SLC7A11: variants seen among roughly 807,000 people sequenced by gnomAD.
SLC7A11 encodes the protein cystine/glutamate transporter.
Under a neutral mutation model 54.5 loss-of-function variants are expected in SLC7A11, and 35 were observed. The observed-to-expected ratio is 0.64, with a 90% CI of 0.49 to 0.85. SLC7A11 has a LOEUF of 0.85. Ranked by LOEUF, SLC7A11 falls within the 40% of genes least tolerant of loss-of-function variation. The pLI is 0.00. For synonymous variants in SLC7A11, 230 were observed against 225.2 expected (o/e 1.02, Z -0.19); for missense variants, 583 against 618.1 (o/e 0.94, Z 0.60).
intron 3 of SLC7A11, among the ~76,000 whole-genome samples, chr4:138,229,855 G>C (rs1229687341): frequency 6.6e-6 from 1 of 152,096 alleles, no homozygotes; most frequent in African/African-American, 2.4e-5. Context: ...TAGTCTTCTG[G>C]TTATGGCTTT....
chr4:138,166,602 G>A lies in SLC7A11; in HGVS notation c.*5354C>T, dbSNP rs1578619592. On this transcript the variant is annotated 3_prime_UTR_variant, in exon 12 of 12. Coordinates refer to ENST00000280612, the MANE Select transcript of SLC7A11 (RefSeq NM_014331.4). ...AGCATGTTCACTCTGGAACAAAGTT[G>A]GCCCTCTATGGCTCTCAGATGCCTA... The A allele has an allele frequency of 6.5e-6, 1 of 152,682 alleles. No individual in the cohort carries two copies. Among genetic ancestry groups the A allele is most frequent in the Non-Finnish European group, 1.5e-5 (1 of 68,018 alleles). The allele number at this position is 152,682 out of a possible 1,614,324, so 9.5% of individuals were successfully genotyped here.
At chr4:138,215,989 C>T (rs939658234) in intron 5 of SLC7A11, among the ~76,000 whole-genome samples, 1 of 152,146 alleles carries the variant, frequency 6.6e-6, no homozygotes, top group African/African-American at 2.4e-5. Context: ...AAGGAAAGGG[C>T]TTGGAGCAGG....
intron 3 of SLC7A11, among the ~76,000 whole-genome samples, chr4:138,225,963 T>C (rs780835742): frequency 3.3e-5 from 5 of 152,052 alleles, no homozygotes; most frequent in African/African-American, 9.7e-5. Context: ...AACAACTAAC[T>C]ATATGTTTGA....
intron 6 of SLC7A11, 122 bp from the exon 7 acceptor site, chr4:138,185,366 G>A (rs1736850683): frequency 8.9e-7 from 1 of 1,122,042 alleles, no homozygotes. Context: ...TATAGGCTCT[G>A]TTGGGTATGT....
intron 1 of SLC7A11, among the ~76,000 whole-genome samples, chr4:138,238,507 A>G (rs137882826): frequency 2.6e-3 from 402 of 152,360 alleles, no homozygotes; most frequent in African/African-American, 9.2e-3. Flanking sequence ...CAATATAAAT[A>G]TAATTTGGAT....
intron 6 of SLC7A11, among the ~76,000 whole-genome samples, chr4:138,205,474 T>G (rs1364460041): frequency 6.6e-6 from 1 of 152,064 alleles, no homozygotes; most frequent in African/African-American, 2.4e-5. Flanking sequence ...GTGCATGGTG[T>G]GTGTAAATAT....
chr4:138,235,200 G>T (rs1346061515), intron 2 of SLC7A11, among the ~76,000 whole-genome samples: 6 of 151,972 alleles, frequency 3.9e-5, no homozygotes, highest in African/African-American at 9.7e-5. Flanking sequence ...AATTAATTGT[G>T]GGAAAGAAAG....
chr4:138,216,001 T>C (rs952468072), intron 5 of SLC7A11, among the ~76,000 whole-genome samples: 1 of 152,178 alleles, frequency 6.6e-6, no homozygotes, highest in Non-Finnish European at 1.5e-5. Context: ...TGGAGCAGGA[T>C]GGTGAGTAGG....
chr4:138,209,369 T>A (rs1384609862), intron 6 of SLC7A11, among the ~76,000 whole-genome samples: 1 of 151,978 alleles, frequency 6.6e-6, no homozygotes, highest in East Asian at 1.9e-4. Flanking sequence ...GAAGATGGAA[T>A]CATAATTATT....
intron 6 of SLC7A11, among the ~76,000 whole-genome samples, chr4:138,207,323 A>G (rs1191401505): frequency 1.3e-5 from 2 of 152,110 alleles, no homozygotes; most frequent in African/African-American, 4.8e-5. Context: ...CTGCACATAT[A>G]CAGTTACAAT....
rs143531018 is a variant in SLC7A11, at chr4:138,230,480, T to A, written c.520+1787A>T. 6.5e-3 allele frequency among the ~76,000 whole-genome samples: 983 copies of A among 151,948 alleles called. 4 individuals carry two copies. The highest frequency in any genetic ancestry group is 0.015 in the South Asian group (71 of 4,800). On this transcript the variant is annotated intron_variant, in intron 3 of 11. Transcript: ENST00000280612. The stretch of plus-strand genomic sequence containing the variant: ...AAACAAAAAATTTGGCTTAACTTCA[T>A]CTTCCTTCAGCTATTCAAGATATTA...
chr4:138,198,509 T>A (rs1300600145), intron 6 of SLC7A11, among the ~76,000 whole-genome samples: 1 of 152,168 alleles, frequency 6.6e-6, no homozygotes, highest in Non-Finnish European at 1.5e-5. Context: ...TGAGGTGTAA[T>A]TTTTGCCTTT....
chr4:138,230,652 A>G (rs1056711485), intron 3 of SLC7A11, among the ~76,000 whole-genome samples: 1 of 152,160 alleles, frequency 6.6e-6, no homozygotes, highest in African/African-American at 2.4e-5. Context: ...AACTGTAACC[A>G]CTATGCTCAA....
chr4:138,233,071 T>G (rs1738119528), intron 2 of SLC7A11, among the ~76,000 whole-genome samples: 1 of 152,140 alleles, frequency 6.6e-6, no homozygotes, highest in African/African-American at 2.4e-5. Context: ...ATCTTTCTAT[T>G]TTAATTCTTC....
intron 1 of SLC7A11, 143 bp downstream of exon 1, chr4:138,241,650 T>C: frequency 1.6e-6 from 1 of 639,032 alleles, no homozygotes; most frequent in Non-Finnish European, 2.8e-6. Context: ...ATCTGGGTAG[T>C]TCACGTACCC....
chr4:138,228,985 T>G (rs1289134018), intron 3 of SLC7A11, among the ~76,000 whole-genome samples: 5 of 152,172 alleles, frequency 3.3e-5, no homozygotes, highest in African/African-American at 9.7e-5. Flanking sequence ...TAGTATTTAC[T>G]TAACCCCCCA....
intron 1 of SLC7A11, 29 bp from the exon 2 acceptor site, chr4:138,236,480 C>T (rs202029990): frequency 2.5e-4 from 398 of 1,581,110 alleles, no homozygotes; most frequent in Non-Finnish European, 3.3e-4. Flanking sequence ...AAAATGGTAC[C>T]AATTTAATAC....
At chr4:138,201,329 T>C (rs76536224) in intron 6 of SLC7A11, among the ~76,000 whole-genome samples, 3,620 of 152,204 alleles carry the variant, frequency 0.024, 64 homozygotes, top group Non-Finnish European at 0.039. Flanking sequence ...CGGGTTATTG[T>C]TTAAGCTTTT....
intron 6 of SLC7A11, among the ~76,000 whole-genome samples, chr4:138,203,825 G>T (rs532928962): frequency 6.6e-6 from 1 of 152,116 alleles, no homozygotes; most frequent in East Asian, 1.9e-4. Flanking sequence ...ACTTGCAACA[G>T]TTTTCCCACC....
Sources: allele counts gnomAD v4.1 joint callset (sites outside exome capture counted in the v4.1 genomes callset), GRCh38; gene constraint gnomAD v4.1.1; transcripts MANE v1.5; gene names NCBI Gene and HGNC (gene_info 2026-07-23, HGNC 2026-07-21).